MYH16: variants seen among roughly 807,000 people sequenced by gnomAD.
MYH16 encodes putative uncharacterized protein MYH16.
chr7:99,275,688 C>A (rs1792101708), intron 20 of MYH16, among the ~76,000 whole-genome samples: 1 of 152,186 alleles, frequency 6.6e-6, no homozygotes, highest in Admixed American at 6.5e-5. Context: ...GTAAACTCCC[C>A]TGCTTGTTAC....
intron 11 of MYH16, chr7:99,260,157 G>T: frequency 1.2e-6 from 2 of 1,601,178 alleles, no homozygotes; most frequent in East Asian, 4.5e-5. Flanking sequence ...CCCTCCTGCC[G>T]CCACAGTTCA....
intron 11 of MYH16, chr7:99,260,052 C>G: frequency 1.2e-6 from 1 of 818,850 alleles, no homozygotes; most frequent in Non-Finnish European, 1.9e-6. Context: ...GTGCCTGACA[C>G]TAGTGGGCCC....
chr7:99,299,254 CAG>C (rs1562787200), intron 36 of MYH16, among the ~76,000 whole-genome samples: 1 of 152,098 alleles, frequency 6.6e-6, no homozygotes, highest in Non-Finnish European at 1.5e-5. Flanking sequence ...GCCTGAGCCA[CAG>C]AGTGACTCTA....
At chr7:99,239,506 G>A (rs1419825150) in intron 1 of MYH16, among the ~76,000 whole-genome samples, 2 of 152,196 alleles carry the variant, frequency 1.3e-5, no homozygotes. Context: ...ACAGATGGTG[G>A]TTCCCAGGTC....
Position 99,291,208 on chromosome 7 carries a change from T to C in MYH16, n.3825-115T>C, listed in dbSNP as rs186123546. The C allele has an allele frequency of 2.3e-3, 892 of 380,280 alleles. 4 individuals are homozygous for C. Among genetic ancestry groups the C allele is most frequent in the Non-Finnish European group, 3.5e-3 (671 of 192,210 alleles). 23.6% of individuals were successfully genotyped at this position (380,280 alleles called of 1,614,324 possible). On this transcript the variant is annotated intron_variant and non_coding_transcript_variant, in intron 30 of 41. Transcript: ENST00000439784. ...TACTGTGCTCCCCATTCCAGCTCCATTGGCCAAGCCACCATATTTATTGGG... is the reference window on the plus strand; with the variant it reads ...TACTGTGCTCCCCATTCCAGCTCCACTGGCCAAGCCACCATATTTATTGGG...
chr7:99,308,068 G>A (rs748981725), downstream of MYH16, among the ~76,000 whole-genome samples: 10 of 151,904 alleles, frequency 6.6e-5, no homozygotes, highest in African/African-American at 9.7e-5. Context: ...GCTTTAATGT[G>A]TGTCCACCAT....
intron 32 of MYH16, among the ~76,000 whole-genome samples, chr7:99,293,700 T>A (rs572282525): frequency 6.6e-6 from 1 of 152,320 alleles, no homozygotes; most frequent in Middle Eastern, 3.4e-3. Context: ...CTATAGGGCA[T>A]GTATTGCCTG....
At chr7:99,292,409 T>C (rs1562784766) in exon 32 of MYH16, 1 of 457,648 alleles carries the variant, frequency 2.2e-6, no homozygotes, top group Non-Finnish European at 4.4e-6. Flanking sequence ...AAGTCAGAGC[T>C]GCAGCGCCTC....
At chr7:99,283,902 A>T in exon 25 of MYH16, 1 of 456,418 alleles carries the variant, frequency 2.2e-6, no homozygotes, top group Non-Finnish European at 4.4e-6. Flanking sequence ...AGGAAAAGAA[A>T]ATCCGGGCGG....
chr7:99,257,382 G>T, exon 10 of MYH16: 1 of 179,658 alleles, frequency 5.6e-6, no homozygotes, highest in South Asian at 1.4e-4. Context: ...TGCACTTTGG[G>T]AACATGAAGT....
chr7:99,290,627 C>T (rs910454375), intron 30 of MYH16, among the ~76,000 whole-genome samples: 4 of 151,954 alleles, frequency 2.6e-5, no homozygotes, highest in South Asian at 2.1e-4. Context: ...TGGTAAAACC[C>T]GGTCTCTACT....
chr7:99,238,921 C>A (rs1360760332), exon 1 of MYH16: 3 of 152,856 alleles, frequency 2.0e-5, no homozygotes, highest in Non-Finnish European at 2.9e-5. Context: ...AAGCCATGAA[C>A]AAGCCCTATG....
At position 99,255,893 on chromosome 7, in the gene MYH16, G is replaced by A. The variant is rs115366419; in HGVS notation, n.996+208G>A. On this transcript the variant is annotated intron_variant and non_coding_transcript_variant, in intron 9 of 41. Transcript: ENST00000439784. ...AAGCCAAGTTTCTCTTTGCAGAGTC[G>A]AACTAGAATTCCATGGGGACTTCAG... is the stretch of plus-strand genomic sequence containing the variant. 8.4e-3 allele frequency among the ~76,000 whole-genome samples: 1,273 copies of A among 152,144 alleles called. 14 individuals are homozygous for A. The highest frequency in any genetic ancestry group is 0.029 in the African/African-American group (1,223 of 41,516).
At chr7:99,259,716 A>ATG (rs539769919) in intron 11 of MYH16, among the ~76,000 whole-genome samples, 2,125 of 146,810 alleles carry the variant, frequency 0.014, 55 homozygotes, top group African/African-American at 0.051. Flanking sequence ...ATATATATAT[A>ATG]TGTGTGTGTG....
chr7:99,297,965 A>G (rs997748707), exon 36 of MYH16: 1 of 456,614 alleles, frequency 2.2e-6, no homozygotes, highest in African/African-American at 2.0e-5. Context: ...CGAAGAATCC[A>G]TGAGAAAGAA....
At chr7:99,240,570 G>A (rs990578150) in intron 1 of MYH16, among the ~76,000 whole-genome samples, 1 of 152,156 alleles carries the variant, frequency 6.6e-6, no homozygotes, top group African/African-American at 2.4e-5. Flanking sequence ...GAAGTCAGAG[G>A]CCAGACGCGG....
chr7:99,299,867 T>C (rs1472665835), intron 37 of MYH16, among the ~76,000 whole-genome samples: 1 of 152,078 alleles, frequency 6.6e-6, no homozygotes, highest in African/African-American at 2.4e-5. Context: ...TTCTGGACAA[T>C]TGGAAAGATG....
chr7:99,296,656 G>A (rs1298249059), intron 33 of MYH16, 45 bp from the exon 15 acceptor site: 3 of 453,248 alleles, frequency 6.6e-6, no homozygotes, highest in South Asian at 3.1e-5. Flanking sequence ...AGGGGACAGA[G>A]GCAAGGAGGT....
chr7:99,290,486 CAA>C (rs57166125), intron 30 of MYH16, among the ~76,000 whole-genome samples: 1,423 of 55,496 alleles, frequency 0.026, 30 homozygotes, highest in African/African-American at 0.078. Flanking sequence ...GACCCTGTCT[CAA>C]AAAAAAAAAA....
Sources: gnomAD v4.1 joint callset for allele counts (sites outside exome capture counted in the v4.1 genomes callset) on GRCh38, gnomAD v4.1.1 for gene constraint, MANE v1.5 for transcripts, NCBI Gene and HGNC (gene_info 2026-07-23, HGNC 2026-07-21) for gene names.